The following ARHGAP18 variants were observed in gnomAD, a reference collection of about 807,000 sequenced individuals.
The protein encoded by ARHGAP18 is Rho GTPase activating protein 18, also known as rho GTPase-activating protein 18.
A neutral mutation model predicts 86.2 loss-of-function variants in ARHGAP18; 67 were observed. The observed-to-expected ratio is 0.78, with a 90% CI of 0.64 to 0.95. The LOEUF is 0.95. Ranked by LOEUF, ARHGAP18 falls within the 40% of genes least tolerant of loss-of-function variation. The pLI, the probability that ARHGAP18 is intolerant of heterozygous loss-of-function variation, is 0.00. For missense variants in ARHGAP18, 691 were observed against 780.4 expected, an observed-to-expected ratio of 0.89 and a Z score of 1.37; for synonymous variants, 283 against 280.4, an observed-to-expected ratio of 1.01 and a Z score of -0.09.
rs940348303 is a variant in ARHGAP18 at position 129,599,253 on chromosome 6, C to T, written c.1676G>A (p.Arg559Gln). 21 of 1,582,570 alleles carry T rather than the reference C, an allele frequency of 1.3e-5. No homozygotes were observed. Among genetic ancestry groups the T allele is most frequent in the African/African-American group, 8.3e-5 (6 of 72,650 alleles). The change falls in exon 12 of 15, where the codon CGA (arginine) becomes CAA (glutamine). Residue 559 changes from arginine to glutamine, a missense_variant. Arg to Gln is a conservative substitution (Grantham distance 43). Transcript: ENST00000368149. The stretch of plus-strand genomic sequence containing the variant: ...CTTATCTTGCTTTTCATATTTTTCT[C>T]GGTCATAAGCCATTTTCTTCAGCAA... Reference protein sequence around the residue: ...KKLLKKMAYDREKYEKQDKST... With the variant: ...KKLLKKMAYDQEKYEKQDKST...
chr6:129,653,629 C>T (rs1248788339), intron 1 of ARHGAP18, among the ~76,000 whole-genome samples: 1 of 152,154 alleles, frequency 6.6e-6, no homozygotes, highest in Non-Finnish European at 1.5e-5. Context: ...AATACTACTA[C>T]AAAACAATCT....
intron 1 of ARHGAP18, among the ~76,000 whole-genome samples, chr6:129,646,351 G>T (rs889307126): frequency 1.1e-4 from 16 of 152,052 alleles, no homozygotes; most frequent in South Asian, 2.1e-4. Flanking sequence ...CATGAAAAAG[G>T]TCCCCTAGGT....
At chr6:129,595,459 G>A (rs896917007) in intron 12 of ARHGAP18, among the ~76,000 whole-genome samples, 4 of 152,228 alleles carry the variant, frequency 2.6e-5, no homozygotes, top group African/African-American at 9.6e-5. Flanking sequence ...TACTCTCTTT[G>A]GAGGAATATC....
At chr6:129,617,188 T>C (rs1486292254) in intron 6 of ARHGAP18, among the ~76,000 whole-genome samples, 4 of 152,204 alleles carry the variant, frequency 2.6e-5, no homozygotes, top group African/African-American at 9.7e-5. Flanking sequence ...AATTTACAAT[T>C]TTTCTAAATT....
At chr6:129,626,065 T>C (rs199950585) in intron 5 of ARHGAP18, among the ~76,000 whole-genome samples, 2,232 of 101,522 alleles carry the variant, frequency 0.022, 44 homozygotes, top group Middle Eastern at 0.048. Context: ...TATACACATA[T>C]ACACACACAC....
chr6:129,686,459 C>T (rs1774425187), intron 1 of ARHGAP18, among the ~76,000 whole-genome samples: 1 of 152,224 alleles, frequency 6.6e-6, no homozygotes, highest in Non-Finnish European at 1.5e-5. Context: ...CAGCCTACCA[C>T]TCCACCAGTA....
intron 1 of ARHGAP18, among the ~76,000 whole-genome samples, chr6:129,695,127 G>GA (rs1012153821): frequency 0.01 from 1,514 of 148,610 alleles, 23 homozygotes; most frequent in African/African-American, 0.035. Flanking sequence ...TAACTATTCT[G>GA]AAAAAAAAAA....
Position 129,698,165 on chromosome 6 carries a change from T to C in ARHGAP18, c.113+11859A>G, listed in dbSNP as rs1281107572. Among the ~76,000 whole-genome samples, 3 of 152,190 alleles carry C rather than the reference T, an allele frequency of 2.0e-5. No homozygotes were observed. The East Asian group carries it at 5.8e-4, about 29-fold the overall frequency. ...CCAATTGAGATGCACTGCAAACTCC[T>C]TCAGAGCAGGAATTTGTACACTTAT... On this transcript the variant is annotated intron_variant, in intron 1 of 14. Coordinates refer to ENST00000368149, the MANE Select transcript of ARHGAP18 (RefSeq NM_033515.3).
intron 12 of ARHGAP18, among the ~76,000 whole-genome samples, chr6:129,595,113 C>T (rs1431765748): frequency 6.9e-6 from 1 of 145,262 alleles, no homozygotes; most frequent in Non-Finnish European, 1.5e-5. Flanking sequence ...AATAATACAC[C>T]CCAATTAGAC....
At position 129,578,451 on chromosome 6, in the gene ARHGAP18, C is replaced by G; in HGVS notation, c.*62G>C. The G allele has an allele frequency of 7.4e-7, 1 of 1,357,086 alleles. No homozygotes were observed. Among genetic ancestry groups the G allele is most frequent in the Non-Finnish European group, 1.0e-6 (1 of 958,368 alleles). The allele number at this position is 1,357,086 out of a possible 1,614,324, so 84.1% of individuals were successfully genotyped here. On this transcript the variant is annotated 3_prime_UTR_variant, in exon 15 of 15. Transcript: ENST00000368149. ...AGTCCTGCCATTTCTTTTATTTACA[C>G]TCTTGACTCAGCAAGAATTATGACA...
chr6:129,582,739 G>C (rs975304441), intron 13 of ARHGAP18, among the ~76,000 whole-genome samples: 3 of 152,174 alleles, frequency 2.0e-5, no homozygotes, highest in African/African-American at 7.2e-5. Flanking sequence ...ATGGTTAAGG[G>C]ACTACCTTTG....
intron 10 of ARHGAP18, 142 bp downstream of exon 10, chr6:129,605,735 C>A: frequency 1.4e-6 from 1 of 697,626 alleles, no homozygotes; most frequent in African/African-American, 1.8e-5. Context: ...AGGCTTTCAC[C>A]CTCTGTCCTT....
chr6:129,646,026 C>A (rs1053881773), intron 1 of ARHGAP18, among the ~76,000 whole-genome samples: 1 of 152,104 alleles, frequency 6.6e-6, no homozygotes, highest in African/African-American at 2.4e-5. Context: ...TTTGTCATAG[C>A]AAATATTAAA....
Position 129,641,832 on chromosome 6 carries a change from A to T in ARHGAP18, c.300T>A (p.Val100=), listed in dbSNP as rs1249080238. 1 of 1,613,546 alleles carries T rather than the reference A, an allele frequency of 6.2e-7. No homozygotes were observed. Among genetic ancestry groups the T allele is most frequent in the Non-Finnish European group, 8.5e-7 (1 of 1,179,824 alleles). The change falls in exon 2 of 15, where the codon GTT becomes GTA. Residue 100 remains valine (V), a synonymous_variant. Transcript: ENST00000368149. ...AGTTATTACCATCAGGCTCTTTGAC[A>T]ACAACCACCTCTTGATCTTCTTGGC... is the stretch of plus-strand genomic sequence containing the variant. ...ENSQEDQEVV[V]VKEPDEGELE...
At chr6:129,601,457 C>T (rs563910472) in intron 10 of ARHGAP18, among the ~76,000 whole-genome samples, 1 of 146,552 alleles carries the variant, frequency 6.8e-6, no homozygotes, top group South Asian at 2.2e-4. Context: ...AGAGAGAAAC[C>T]CTCTCTCAAA....
chr6:129,579,492 A>C (rs961427161), intron 14 of ARHGAP18, among the ~76,000 whole-genome samples: 15 of 152,174 alleles, frequency 9.9e-5, no homozygotes, highest in African/African-American at 2.9e-4. Flanking sequence ...GAGTCAAAAA[A>C]GAAAAAAAGA....
chr6:129,638,635 A>G lies in ARHGAP18; in HGVS notation c.317-6T>C. 1 of 1,608,338 alleles carries G rather than the reference A, an allele frequency of 6.2e-7. No individual in the cohort carries two copies. Among genetic ancestry groups the G allele is most frequent in the Middle Eastern group, 1.7e-4 (1 of 6,046 alleles). ...CTCTTCTTCCAATTCTCCCTCTAAGACAGTAGAGAAAAGTGGTACTTAAAT... is the reference window on the plus strand; with the variant it reads ...CTCTTCTTCCAATTCTCCCTCTAAGGCAGTAGAGAAAAGTGGTACTTAAAT... On this transcript the variant is annotated splice_region_variant and splice_polypyrimidine_tract_variant and intron_variant, in intron 2 of 14. Coordinates refer to ENST00000368149, the MANE Select transcript of ARHGAP18 (RefSeq NM_033515.3).
intron 2 of ARHGAP18, among the ~76,000 whole-genome samples, chr6:129,640,299 T>C (rs191783443): frequency 1.3e-5 from 2 of 152,302 alleles, no homozygotes; most frequent in Admixed American, 1.3e-4. Flanking sequence ...GATGATCACA[T>C]AGTGCATAAT....
At chr6:129,618,510 T>G (rs1789142483) in intron 6 of ARHGAP18, among the ~76,000 whole-genome samples, 177 bp downstream of exon 6, 1 of 152,236 alleles carries the variant, frequency 6.6e-6, no homozygotes, top group African/African-American at 2.4e-5. Flanking sequence ...GGACACAGTG[T>G]ATCTCTATCG....
Sources: allele counts gnomAD v4.1 joint callset (sites outside exome capture counted in the v4.1 genomes callset), GRCh38; gene constraint gnomAD v4.1.1; transcripts MANE v1.5; gene names NCBI Gene and HGNC (gene_info 2026-07-23, HGNC 2026-07-21).